The following AIG1 variants were observed in gnomAD, a reference collection of about 807,000 sequenced individuals.
AIG1 encodes androgen induced 1.
AIG1 carries 23 observed loss-of-function variants against 31.4 expected under a neutral mutation model. The ratio of observed to expected loss-of-function variants is 0.73; its 90% confidence interval spans 0.53 to 1.04. AIG1 has a LOEUF of 1.04. AIG1 is among the 50% of genes least tolerant of loss of function. The pLI, the probability that AIG1 is intolerant of heterozygous loss-of-function variation, is 0.00. For synonymous variants in AIG1, 100 were observed against 110.5 expected, an observed-to-expected ratio of 0.90 and a Z score of 0.60; for missense variants, 274 against 295.0, an observed-to-expected ratio of 0.93 and a Z score of 0.52.
At chr6:143,177,447 T>C (rs765489685) in intron 3 of AIG1, among the ~76,000 whole-genome samples, 5 of 152,344 alleles carry the variant, frequency 3.3e-5, no homozygotes, top group Non-Finnish European at 7.4e-5. Flanking sequence ...GTAGCTTTCA[T>C]AGGGAAAAAT....
At chr6:143,246,637 A>G (rs1794642947) in intron 3 of AIG1, among the ~76,000 whole-genome samples, 1 of 152,186 alleles carries the variant, frequency 6.6e-6, no homozygotes, top group South Asian at 2.1e-4. Flanking sequence ...TGATAAGTAA[A>G]TGTTTGTGTG....
chr6:143,280,858 TC>T lies in AIG1; in HGVS notation c.400-3248del, dbSNP rs1401400117. Among the ~76,000 whole-genome samples the T allele has an allele frequency of 6.6e-6, 1 of 152,088 alleles. No individual in the cohort carries two copies. Among genetic ancestry groups the T allele is most frequent in the African/African-American group, 2.4e-5 (1 of 41,394 alleles). Reference sequence around the variant, plus strand: ...CCTATGTAACAAACCTTCACGTGTATCCCCAAATCTAAAATAAAAGTTAAAA... The same window carrying T: ...CCTATGTAACAAACCTTCACGTGTATCCCAAATCTAAAATAAAAGTTAAAA... On this transcript the variant is annotated intron_variant, in intron 3 of 5. Transcript: ENST00000357847. This position sits in a 1 kb window ranked among gnomAD's most constrained non-coding sequence, Gnocchi z 4.1.
At chr6:143,273,958 A>G (rs1314909129) in intron 3 of AIG1, among the ~76,000 whole-genome samples, 2 of 152,234 alleles carry the variant, frequency 1.3e-5, no homozygotes, top group African/African-American at 4.8e-5. Flanking sequence ...CACAAATCTC[A>G]GAAAGAGAAT....
chr6:143,209,475 A>G (rs1374245782), intron 3 of AIG1, among the ~76,000 whole-genome samples: 1 of 152,222 alleles, frequency 6.6e-6, no homozygotes, highest in Non-Finnish European at 1.5e-5. Context: ...TTAAATGTGT[A>G]AAAGGGAGGC....
chr6:143,203,039 A>C (rs1583495993), intron 3 of AIG1, among the ~76,000 whole-genome samples: 2 of 152,198 alleles, frequency 1.3e-5, no homozygotes, highest in South Asian at 4.1e-4. Flanking sequence ...AAAGATGAGA[A>C]GGTAATGAAC....
chr6:143,165,209 T>G (rs1237853596), intron 3 of AIG1, 26 bp downstream of exon 3: 1 of 1,544,984 alleles, frequency 6.5e-7, no homozygotes, highest in Non-Finnish European at 8.9e-7. Context: ...CAAACGGCTT[T>G]CTTTTATTTT....
chr6:143,261,234 C>T (rs1296123880), intron 3 of AIG1, among the ~76,000 whole-genome samples: 3 of 152,162 alleles, frequency 2.0e-5, no homozygotes, highest in East Asian at 1.9e-4. Context: ...CGGGTTGAAG[C>T]GATTCTCCTG....
At chr6:143,233,714 G>A (rs1020202969) in intron 3 of AIG1, among the ~76,000 whole-genome samples, 20 of 152,168 alleles carry the variant, frequency 1.3e-4, no homozygotes, top group African/African-American at 4.8e-4. Context: ...AGTTGGCCAC[G>A]TTTGATTGGC....
chr6:143,126,545 A>C (rs891993378), intron 1 of AIG1, among the ~76,000 whole-genome samples: 1 of 152,220 alleles, frequency 6.6e-6, no homozygotes, highest in Non-Finnish European at 1.5e-5. Flanking sequence ...GATCCCTTGA[A>C]GATGGTGTTT....
intron 2 of AIG1, among the ~76,000 whole-genome samples, chr6:143,144,933 A>G (rs371516682): frequency 1.3e-5 from 2 of 152,214 alleles, no homozygotes; most frequent in African/African-American, 4.8e-5. Context: ...AATCCAGCCA[A>G]CTATGGTTTA....
At chr6:143,295,085 C>T (rs565065085) in intron 4 of AIG1, among the ~76,000 whole-genome samples, 2 of 152,282 alleles carry the variant, frequency 1.3e-5, no homozygotes, top group South Asian at 4.1e-4. Context: ...AAACCTGCAT[C>T]CCCTTGTCAT....
At chr6:143,060,593 A>G, upstream of AIG1, 1 of 444,384 alleles carries the variant, frequency 2.3e-6, no homozygotes, top group Non-Finnish European at 4.7e-6. Context: ...TGGGATGCCT[A>G]GGGGGCGCCT....
At chr6:143,342,785 G>C (rs1482457638), downstream of AIG1, 2 of 807,690 alleles carry the variant, frequency 2.5e-6, no homozygotes, top group African/African-American at 3.4e-5. Flanking sequence ...CTTGTATTCT[G>C]TTTGTGGAGA....
chr6:143,122,354 G>A (rs1310688872), intron 1 of AIG1, among the ~76,000 whole-genome samples: 1 of 151,862 alleles, frequency 6.6e-6, no homozygotes, highest in Non-Finnish European at 1.5e-5. Flanking sequence ...ACTATTGATG[G>A]TTCTATTTAT....
chr6:143,217,008 T>A (rs1443114948), intron 3 of AIG1, among the ~76,000 whole-genome samples: 1 of 152,208 alleles, frequency 6.6e-6, no homozygotes, highest in Non-Finnish European at 1.5e-5. Context: ...GCAAAACCAC[T>A]GTTAGAAAGT....
rs552849023 is a variant in AIG1, at chr6:143,079,065, C to G, written c.141+17999C>G. Among the ~76,000 whole-genome samples, 6 of 152,230 alleles carry G rather than the reference C, an allele frequency of 3.9e-5. 1 individual carries two copies. The highest frequency in any genetic ancestry group is 3.9e-4 in the Admixed American group (6 of 15,288). ...GTTCACACAATTGGTGACGCCTTCACAGTGAGGCAGCAGGAGAAAAGAGAG... is the reference window on the plus strand; with the variant it reads ...GTTCACACAATTGGTGACGCCTTCAGAGTGAGGCAGCAGGAGAAAAGAGAG... On this transcript the variant is annotated intron_variant, in intron 1 of 5. Coordinates refer to ENST00000357847, the MANE Select transcript of AIG1 (RefSeq NM_016108.4).
rs117061372 is a variant in AIG1 at position 143,327,234 on chromosome 6, A to G, written c.516-6048A>G. The G allele has an allele frequency of 2.8e-4, 53 of 187,204 alleles. No homozygotes were observed. The highest frequency in any genetic ancestry group is 4.3e-3 in the Middle Eastern group (2 of 464). 11.6% of individuals were successfully genotyped at this position (187,204 alleles called of 1,614,324 possible). On this transcript the variant is annotated intron_variant, in intron 4 of 5. Coordinates refer to ENST00000357847, the MANE Select transcript of AIG1 (RefSeq NM_016108.4). This position sits in a 1 kb window ranked among gnomAD's most constrained non-coding sequence, Gnocchi z 5.3. ...TTGATAAGACAAGCTAATGGATTGGACAATCGCTACACTCTTCCTTTCCAA... is the reference window on the plus strand; with the variant it reads ...TTGATAAGACAAGCTAATGGATTGGGCAATCGCTACACTCTTCCTTTCCAA...
At chr6:143,157,718 TTCTCC>T (rs1785935355) in intron 2 of AIG1, among the ~76,000 whole-genome samples, 1 of 152,194 alleles carries the variant, frequency 6.6e-6, no homozygotes, top group African/African-American at 2.4e-5. Context: ...CTTTATCCTC[TTCTCC>T]TCTTGCTCTA....
At chr6:143,068,149 C>T (rs1182252286) in intron 1 of AIG1, among the ~76,000 whole-genome samples, 2 of 152,160 alleles carry the variant, frequency 1.3e-5, no homozygotes, top group African/African-American at 4.8e-5. Context: ...ACTTCTTTTC[C>T]CATTCCTGCC....
Sources: gnomAD v4.1 joint callset for allele counts (sites outside exome capture counted in the v4.1 genomes callset) on GRCh38, gnomAD v4.1.1 for gene constraint, Gnocchi (gnomAD v3.1) non-coding constraint, MANE v1.5 for transcripts, NCBI Gene and HGNC (gene_info 2026-07-23, HGNC 2026-07-21) for gene names.